FAM83G: variants seen among roughly 807,000 people sequenced by gnomAD.
FAM83G encodes the protein protein FAM83G.
A neutral mutation model predicts 61.5 loss-of-function variants in FAM83G; 38 were observed. The ratio of observed to expected loss-of-function variants is 0.62; its 90% CI spans 0.48 to 0.81. The LOEUF (loss-of-function observed/expected upper bound fraction) is 0.81. FAM83G is among the 30% of genes least tolerant of loss of function. The probability of loss-of-function intolerance (pLI) is 0.00; values close to 1 mark genes in which losing one functional copy is unlikely to be tolerated. For synonymous variants in FAM83G, 470 were observed against 476.1 expected (o/e 0.99, Z 0.17); for missense variants, 989 against 1,133.6 (o/e 0.87, Z 1.83).
Position 18,978,600 on chromosome 17 carries a change from T to A in FAM83G, c.1066A>T (p.Ser356Cys). ...NPKYALVKAKSVDEIAKISSE... is the reference protein window; with the variant it reads ...NPKYALVKAKCVDEIAKISSE... ...GAGATCTTGGCAATCTCGTCGACGC[T>A]CTTGGCCTTGACAAGTGCGTACTTG... Residue 356 changes from serine to cysteine, a missense_variant, in exon 5 of 6, where the codon AGC becomes TGC. Ser to Cys is a moderately radical substitution (Grantham distance 112). Transcript: ENST00000388995. 4 of 1,613,164 alleles carry A rather than the reference T, an allele frequency of 2.5e-6. No homozygotes were observed. The highest frequency in any genetic ancestry group is 3.4e-6 in the Non-Finnish European group (4 of 1,179,988).
In FAM83G at chr17:19,003,840, G is replaced by C. The variant is rs754886510; in HGVS notation, c.202C>G (p.Leu68Val). ...FLSELELKRI[L>V]ETIEVYDPGS... Reference sequence around the variant, plus strand: ...GGGTCGTACACCTCGATGGTCTCCAGGATGCGCTTGAGCTCCAGCTCCGAG... The same window carrying C: ...GGGTCGTACACCTCGATGGTCTCCACGATGCGCTTGAGCTCCAGCTCCGAG... Residue 68 changes from leucine to valine, a missense_variant, in exon 2 of 6, where the codon CTG becomes GTG. Transcript: ENST00000388995. The surrounding 1 kb of genome is among the most constrained non-coding windows in gnomAD (Gnocchi z 4.5). 1.5e-5 allele frequency: 24 copies of C among 1,613,026 alleles called. No individual in the cohort carries two copies. The highest frequency in any genetic ancestry group is 2.0e-5 in the Non-Finnish European group (24 of 1,179,938).
chr17:18,978,974 G>T, intron 4 of FAM83G, 124 bp from the exon 5 acceptor site: 1 of 1,102,950 alleles, frequency 9.1e-7, no homozygotes, highest in Non-Finnish European at 1.3e-6. Context: ...AGAAGTGAAT[G>T]GGGGCAGAGA....
At chr17:18,981,566 T>C (rs2043133419) in intron 3 of FAM83G, among the ~76,000 whole-genome samples, 1 of 152,146 alleles carries the variant, frequency 6.6e-6, no homozygotes. Flanking sequence ...CGCCATGCCA[T>C]CCAGCCTCCT....
At chr17:18,976,988 A>C (rs1181689085) in intron 5 of FAM83G, 1 of 1,612,114 alleles carries the variant, frequency 6.2e-7, no homozygotes, top group Non-Finnish European at 8.5e-7. Flanking sequence ...CATTGTTCCC[A>C]GGTAGGACGG....
At position 18,978,119 on chromosome 17, in the gene FAM83G, A is replaced by G. The variant is rs750204303; in HGVS notation, c.1547T>C (p.Leu516Pro). 13 of 1,518,296 alleles carry G rather than the reference A, an allele frequency of 8.6e-6. No homozygotes were observed. Among genetic ancestry groups the G allele is most frequent in the Non-Finnish European group, 1.1e-5 (13 of 1,137,980 alleles). 94.1% of individuals were successfully genotyped at this position (1,518,296 alleles called of 1,614,324 possible). ...KPRTVPVADV[L>P]ARDSSDIGWV... is the part of the protein sequence containing the mutation. ...GCCAATATCACTGCTGTCCCGGGCT[A>G]GTACATCTGCCACAGGGACTGTCCG... is the stretch of plus-strand genomic sequence containing the variant. Residue 516 changes from leucine to proline, a missense_variant, in exon 5 of 6, where the codon CTA becomes CCA. This residue lies in a region of FAM83G where 574 missense variants were observed against 645.1 expected (regional missense o/e 0.89). Coordinates refer to ENST00000388995, the MANE Select transcript of FAM83G (RefSeq NM_001039999.3).
At chr17:18,981,683 G>A (rs2043136706) in intron 3 of FAM83G, among the ~76,000 whole-genome samples, 1 of 152,184 alleles carries the variant, frequency 6.6e-6, no homozygotes, top group East Asian at 1.9e-4. Flanking sequence ...CCCATCTGAT[G>A]CCCACCTGTG....
At chr17:18,982,575 G>A (rs147844937) in intron 3 of FAM83G, among the ~76,000 whole-genome samples, 1 of 152,334 alleles carries the variant, frequency 6.6e-6, no homozygotes, top group Non-Finnish European at 1.5e-5. Context: ...CGTCAAGGGC[G>A]AGTCAGGGCA....
chr17:18,977,956 C>T lies in FAM83G; in HGVS notation c.1710G>A (p.Val570=). Residue 570 remains valine (V), a synonymous_variant, in exon 5 of 6, where the codon GTG becomes GTA. Transcript: ENST00000388995. The part of the protein sequence containing the change: ...VTQDDPESLG[V]GLPNGLDGVE... Reference sequence around the variant, plus strand: ...CCCCATCCAGCCCATTGGGGAGCCCCACCCCGAGGCTCTCGGGGTCATCCT... The same window carrying T: ...CCCCATCCAGCCCATTGGGGAGCCCTACCCCGAGGCTCTCGGGGTCATCCT... 2 of 1,599,574 alleles carry T rather than the reference C, an allele frequency of 1.3e-6. No individual in the cohort carries two copies. The highest frequency in any genetic ancestry group is 1.7e-5 in the Admixed American group (1 of 58,254).
intron 5 of FAM83G, among the ~76,000 whole-genome samples, chr17:18,973,884 G>GTTT (rs35778801): frequency 5.9e-4 from 56 of 95,724 alleles, no homozygotes; most frequent in African/African-American, 1.5e-3. Flanking sequence ...TTTTTTTTAA[G>GTTT]TTTTTTTTTT....
intron 5 of FAM83G, chr17:18,977,022 G>A: frequency 1.2e-6 from 2 of 1,606,896 alleles, no homozygotes; most frequent in Non-Finnish European, 1.7e-6. Flanking sequence ...AACCCAGGCT[G>A]CAGGGCACCC....
chr17:18,986,274 G>T (rs1482187848), intron 3 of FAM83G: 1 of 152,230 alleles, frequency 6.6e-6, no homozygotes, highest in Non-Finnish European at 1.5e-5. Flanking sequence ...CTAGAAGATT[G>T]GTTGAGCCAA....
At chr17:18,976,195 A>AAAAAAAAAAAAAAAAAAG (rs2042976516) in intron 5 of FAM83G, 1 of 151,608 alleles carries the variant, frequency 6.6e-6, no homozygotes. Flanking sequence ...CTCAAAAAAA[A>AAAAAAAAAAAAAAAAAAG]AGTAACTCTT....
At chr17:18,972,742 G>A (rs1295402836) in intron 5 of FAM83G, among the ~76,000 whole-genome samples, 1 of 152,000 alleles carries the variant, frequency 6.6e-6, no homozygotes, top group Non-Finnish European at 1.5e-5. Flanking sequence ...GGCGCCTGTA[G>A]TCCCAGCTAC....
intron 2 of FAM83G, among the ~76,000 whole-genome samples, chr17:18,994,710 A>G (rs545261752): frequency 6.6e-6 from 1 of 152,362 alleles, no homozygotes; most frequent in South Asian, 2.1e-4. Context: ...ATACTGCCTC[A>G]GCAGTTGACA....
chr17:18,987,942 C>A (rs2043311985), intron 3 of FAM83G, among the ~76,000 whole-genome samples: 1 of 152,248 alleles, frequency 6.6e-6, no homozygotes, highest in Non-Finnish European at 1.5e-5. Flanking sequence ...AAACAGATAA[C>A]CGATGTGGCA....
intron 3 of FAM83G, among the ~76,000 whole-genome samples, chr17:18,980,838 G>A (rs1392925359): frequency 6.6e-6 from 1 of 152,168 alleles, no homozygotes; most frequent in African/African-American, 2.4e-5. Context: ...GGAGGCCTGA[G>A]GTCAGGCAGG....
At position 18,971,379 on chromosome 17, in the gene FAM83G, G is replaced by C; in HGVS notation, c.2452C>G (p.Arg818Gly). ...SDSKRRAQAP[R>G]DRKDP Reference sequence around the variant, plus strand: ...TGCTGCTAGGGGTCTTTGCGGTCCCGGGGGGCTTGAGCCCTCCGTTTAGAA... The same window carrying C: ...TGCTGCTAGGGGTCTTTGCGGTCCCCGGGGGCTTGAGCCCTCCGTTTAGAA... Residue 818 changes from arginine (R) to glycine (G), a missense_variant, in exon 6 of 6, where the codon CGG (arginine) becomes GGG (glycine). Around this residue, in one of 3 missense-constraint regions of FAM83G, gnomAD observed 574 missense variants for 645.1 expected, o/e 0.89. Transcript: ENST00000388995. This position sits in a 1 kb window ranked among gnomAD's most constrained non-coding sequence, Gnocchi z 5.5. 4 of 1,601,780 alleles carry C rather than the reference G, an allele frequency of 2.5e-6. No homozygotes were observed. The highest frequency in any genetic ancestry group is 3.4e-6 in the Non-Finnish European group (4 of 1,174,852).
At position 18,969,142 on chromosome 17, in the gene FAM83G, C is replaced by T. The variant is rs779417895; in HGVS notation, c.*2217G>A. Reference sequence around the variant, plus strand: ...CATCCTCACGCTCGGCATCACAGCCCTGTACACCATCGCAGGTATGGTGCC... The same window carrying T: ...CATCCTCACGCTCGGCATCACAGCCTTGTACACCATCGCAGGTATGGTGCC... On this transcript the variant is annotated 3_prime_UTR_variant, in exon 6 of 6. Transcript: ENST00000388995. The T allele has an allele frequency of 2.0e-5, 32 of 1,614,056 alleles. No homozygotes were observed. Among genetic ancestry groups the T allele is most frequent in the Non-Finnish European group, 2.6e-5 (31 of 1,179,958 alleles).
At position 18,971,749 on chromosome 17, in the gene FAM83G, C is replaced by A; in HGVS notation, c.2083-1G>T. The stretch of plus-strand genomic sequence containing the variant: ...CCCTGTGATGATGAAACTGCTGGCC[C>A]TGGGAGAGAGAGAGCAGAGAGTGAG... On this transcript the variant is annotated splice_acceptor_variant, in intron 5 of 5. Transcript: ENST00000388995. LOFTEE classifies it high-confidence loss of function. The surrounding 1 kb of genome is among the most constrained non-coding windows in gnomAD (Gnocchi z 5.5). 1 of 1,558,092 alleles carries A rather than the reference C, an allele frequency of 6.4e-7. No individual in the cohort carries two copies.
Sources: gnomAD v4.1 joint callset for allele counts (sites outside exome capture counted in the v4.1 genomes callset) on GRCh38, gnomAD v4.1.1 for gene constraint, gnomAD v4.1.1 regional missense constraint, Gnocchi (gnomAD v3.1) non-coding constraint, MANE v1.5 for transcripts, NCBI Gene and HGNC (gene_info 2026-07-23, HGNC 2026-07-21) for gene names.